The following CUX1 variants were observed in gnomAD, a reference collection of about 807,000 sequenced individuals.
The protein encoded by CUX1 is cut like homeobox 1.
In CUX1, 31 loss-of-function variants were observed where a neutral mutation model predicts 158.8. That is an observed-to-expected ratio of 0.20 (90% CI 0.15 to 0.26). The LOEUF (loss-of-function observed/expected upper bound fraction) is 0.26, where lower values mean the gene tolerates loss of function less well. CUX1 is among the 10% of genes least tolerant of loss of function. The pLI, the probability that CUX1 is intolerant of heterozygous loss-of-function variation, is 1.00. For synonymous variants in CUX1, 879 were observed against 862.1 expected, an observed-to-expected ratio of 1.02 and a Z score of -0.34; for missense variants, 1,589 against 2,014.6, an observed-to-expected ratio of 0.79 and a Z score of 4.04.
intron 6 of CUX1, among the ~76,000 whole-genome samples, chr7:102,106,634 G>C (rs919481235): frequency 6.6e-6 from 1 of 152,160 alleles, no homozygotes; most frequent in Non-Finnish European, 1.5e-5. Flanking sequence ...AGAAATTTCT[G>C]TATAAACTGC....
chr7:101,880,978 A>T (rs1295060326), intron 1 of CUX1, among the ~76,000 whole-genome samples: 1 of 152,230 alleles, frequency 6.6e-6, no homozygotes, highest in Non-Finnish European at 1.5e-5. Context: ...GCAGATGTGT[A>T]AGAAACATGT....
At chr7:101,889,744 C>T (rs551565981) in intron 1 of CUX1, among the ~76,000 whole-genome samples, 151 of 152,328 alleles carry the variant, frequency 9.9e-4, no homozygotes, top group African/African-American at 3.4e-3. Flanking sequence ...TGCACTCCAG[C>T]CTGGGCGACA....
intron 3 of CUX1, among the ~76,000 whole-genome samples, chr7:102,038,348 T>C (rs1007489688): frequency 6.6e-6 from 1 of 152,126 alleles, no homozygotes. Flanking sequence ...TCACAAGATA[T>C]TCAAAATGCT....
intron 9 of CUX1, among the ~76,000 whole-genome samples, chr7:102,165,350 C>CTTTTT (rs533978049): frequency 7.6e-5 from 8 of 105,352 alleles, no homozygotes; most frequent in South Asian, 6.5e-4. Flanking sequence ...TAGGGGAAAG[C>CTTTTT]TTTTTTTTTT....
At chr7:102,102,935 C>G (rs1554486988) in intron 5 of CUX1, among the ~76,000 whole-genome samples, 1 of 152,134 alleles carries the variant, frequency 6.6e-6, no homozygotes, top group Non-Finnish European at 1.5e-5. Context: ...ATAGGCGTAT[C>G]TGGAGGAGGG....
intron 18 of CUX1, among the ~76,000 whole-genome samples, chr7:102,202,515 G>A (rs1208081559): frequency 6.6e-6 from 1 of 152,096 alleles, no homozygotes; most frequent in African/African-American, 2.4e-5. Flanking sequence ...ACCAAGGCTT[G>A]GGGACGTTAA....
Position 102,196,900 on chromosome 7 carries a change from A to T in CUX1, c.1489A>T (p.Met497Leu). 1 of 1,614,228 alleles carries T rather than the reference A, an allele frequency of 6.2e-7. No homozygotes were observed. The highest frequency in any genetic ancestry group is 8.5e-7 in the Non-Finnish European group (1 of 1,180,048). ...AATGCAGTCCTTCTACTCCAAGGCT[A>T]TGCAGGAAGCCGGAAGCACAAGCAT... ...QLMQSFYSKA[M>L]QEAGSTSMIF... The change falls in exon 15 of 24, where the codon ATG (methionine) becomes TTG (leucine). Residue 497 changes from methionine to leucine, a missense_variant. By Grantham distance (15) the Met-to-Leu change is conservative. Transcript: ENST00000292535.
intron 5 of CUX1, among the ~76,000 whole-genome samples, chr7:102,103,463 C>T (rs140467453): frequency 2.0e-3 from 305 of 151,762 alleles, no homozygotes; most frequent in Non-Finnish European, 3.4e-3. Flanking sequence ...CTCACTCACA[C>T]TCTGTCACCC....
At chr7:102,130,022 G>A (rs187549844) in intron 8 of CUX1, among the ~76,000 whole-genome samples, 94 of 152,310 alleles carry the variant, frequency 6.2e-4, no homozygotes, top group Admixed American at 1.4e-3. Context: ...AGGAGCGAGC[G>A]AGATAATTGA....
chr7:102,060,751 T>G (rs1824748970), intron 3 of CUX1, among the ~76,000 whole-genome samples: 1 of 151,572 alleles, frequency 6.6e-6, no homozygotes, highest in African/African-American at 2.4e-5. Flanking sequence ...TAGCTGGGAT[T>G]ACAGGTGCCT....
intron 5 of CUX1, among the ~76,000 whole-genome samples, chr7:102,100,699 G>A (rs940819578): frequency 1.3e-5 from 2 of 152,056 alleles, no homozygotes; most frequent in African/African-American, 4.8e-5. Context: ...CAGCACAATG[G>A]CTCATGCCTA....
chr7:101,971,983 T>C (rs1303978087), intron 2 of CUX1, among the ~76,000 whole-genome samples: 1 of 152,254 alleles, frequency 6.6e-6, no homozygotes, highest in Non-Finnish European at 1.5e-5. Context: ...TTTATTTATT[T>C]TGAGACAGAG....
At chr7:101,938,935 G>A (rs1003589128) in intron 2 of CUX1, among the ~76,000 whole-genome samples, 1 of 151,030 alleles carries the variant, frequency 6.6e-6, no homozygotes, top group Non-Finnish European at 1.5e-5. Flanking sequence ...CAGCTACTTG[G>A]GAGGCTGAGG....
intron 12 of CUX1, among the ~76,000 whole-genome samples, chr7:102,191,564 C>T (rs1794279822): frequency 6.6e-6 from 1 of 152,116 alleles, no homozygotes; most frequent in African/African-American, 2.4e-5. Context: ...CCTCTCCTAT[C>T]CCATTCTTTC....
chr7:102,135,953 G>A (rs1833854913), intron 8 of CUX1, among the ~76,000 whole-genome samples: 1 of 151,376 alleles, frequency 6.6e-6, no homozygotes, highest in Non-Finnish European at 1.5e-5. Context: ...CAGCCTGGGA[G>A]ACAGAGCAAG....
At chr7:102,110,749 G>A (rs1001744921) in intron 6 of CUX1, among the ~76,000 whole-genome samples, 1 of 152,118 alleles carries the variant, frequency 6.6e-6, no homozygotes, top group Non-Finnish European at 1.5e-5. Flanking sequence ...TTTTGCTATA[G>A]TATGTTACAT....
chr7:101,893,082 T>G (rs553240438), intron 1 of CUX1, among the ~76,000 whole-genome samples: 1 of 151,872 alleles, frequency 6.6e-6, no homozygotes, highest in African/African-American at 2.4e-5. Context: ...ATGAAATGTT[T>G]GTTGATAACA....
intron 1 of CUX1, among the ~76,000 whole-genome samples, chr7:101,879,798 A>G (rs1366089020): frequency 6.6e-6 from 1 of 152,242 alleles, no homozygotes; most frequent in Non-Finnish European, 1.5e-5. Context: ...TCCTGCCCCA[A>G]GGCAGCGTCC....
At chr7:102,196,197 G>C (rs1289589698) in intron 14 of CUX1, among the ~76,000 whole-genome samples, 2 of 152,242 alleles carry the variant, frequency 1.3e-5, no homozygotes, top group Admixed American at 1.3e-4. Flanking sequence ...ACATCGAGGG[G>C]GCTCGGTACG....
Sources: gnomAD v4.1 joint callset for allele counts (sites outside exome capture counted in the v4.1 genomes callset) on GRCh38, gnomAD v4.1.1 for gene constraint, MANE v1.5 for transcripts, NCBI Gene and HGNC (gene_info 2026-07-23, HGNC 2026-07-21) for gene names.